Variants in KDM6A observed in about 807,000 individuals in gnomAD.
KDM6A encodes lysine demethylase 6A.
KDM6A carries 11 observed loss-of-function variants against 117.6 expected under a neutral mutation model. The ratio of observed to expected loss-of-function variants is 0.09; its 90% CI spans 0.06 to 0.15. The LOEUF is 0.15. Among genes scored for constraint, KDM6A ranks in the 10% least tolerant of loss-of-function variants. The pLI, the probability that KDM6A is intolerant of heterozygous loss-of-function variation, is 1.00. For synonymous variants in KDM6A, 384 were observed against 396.1 expected (o/e 0.97, Z 0.36); for missense variants, 799 against 1,077.3 (o/e 0.74, Z 3.62).
chrX:44,948,062 A>G (rs1444389414), intron 2 of KDM6A, among the ~76,000 whole-genome samples: 2 of 112,116 alleles, frequency 1.8e-5, no homozygotes, highest in Non-Finnish European at 3.8e-5. Context: ...GTCGCCTGCC[A>G]TTGTGTTTAA....
rs140986946 is a variant in KDM6A, at chrX:44,933,044, C to T, written c.226-28240C>T. Among the ~76,000 whole-genome samples the T allele has an allele frequency of 1.2e-3, 128 of 107,062 alleles. 1 individual carries two copies. The highest frequency in any genetic ancestry group is 4.0e-3 in the African/African-American group (118 of 29,375). The allele number at this position is 107,062 out of a possible 115,157, so 93.0% of individuals were successfully genotyped here. Reference sequence around the variant, plus strand: ...CTGGGATTACAGACATGCACCACCACGTCCGGCTAATTTTTTTATTTTTAG... The same window carrying T: ...CTGGGATTACAGACATGCACCACCATGTCCGGCTAATTTTTTTATTTTTAG... On this transcript the variant is annotated intron_variant, in intron 2 of 29. Coordinates refer to ENST00000611820, the MANE Select transcript of KDM6A (RefSeq NM_001291415.2).
chrX:45,050,503 G>GT (rs1443269763), intron 8 of KDM6A, among the ~76,000 whole-genome samples: 1 of 111,378 alleles, frequency 9.0e-6, no homozygotes, highest in Non-Finnish European at 1.9e-5. Context: ...TATTGCATCA[G>GT]TTTTTTATTG....
At chrX:45,099,575 T>G (rs185034463) in intron 27 of KDM6A, among the ~76,000 whole-genome samples, 1 of 111,922 alleles carries the variant, frequency 8.9e-6, no homozygotes, top group East Asian at 2.8e-4. Context: ...ATGTCAGAGA[T>G]ATCTTCCTTA....
At chrX:45,008,352 C>T (rs2041601975) in intron 4 of KDM6A, among the ~76,000 whole-genome samples, 1 of 110,260 alleles carries the variant, frequency 9.1e-6, no homozygotes, top group African/African-American at 3.3e-5. Context: ...CCAGCCTGGG[C>T]GACAGAGCGA....
At chrX:45,080,894 T>G (rs905692019) in intron 21 of KDM6A, among the ~76,000 whole-genome samples, 1 of 112,089 alleles carries the variant, frequency 8.9e-6, no homozygotes, top group African/African-American at 3.2e-5. Context: ...GCAGTCTATT[T>G]AAATGGGGAG....
chrX:45,065,713 A>G, intron 17 of KDM6A, among the ~76,000 whole-genome samples: 1 of 112,235 alleles, frequency 8.9e-6, no homozygotes, highest in Middle Eastern at 4.6e-3. Context: ...TGGTATCACC[A>G]ATCAGTGAGA....
intron 2 of KDM6A, 121 bp from the exon 3 acceptor site, chrX:44,961,163 G>A (rs1275786492): frequency 4.1e-6 from 2 of 483,072 alleles, no homozygotes; most frequent in Non-Finnish European, 7.0e-6. Context: ...TAAGATAGAA[G>A]TGAAATTTTC....
chrX:45,083,414 G>A, intron 23 of KDM6A, 46 bp from the exon 24 acceptor site: 1 of 1,159,532 alleles, frequency 8.6e-7, no homozygotes, highest in Non-Finnish European at 1.2e-6. Flanking sequence ...AACTTCCACA[G>A]GTATTTGTAG....
At chrX:45,036,526 A>G (rs1275099479) in intron 7 of KDM6A, among the ~76,000 whole-genome samples, 1 of 112,179 alleles carries the variant, frequency 8.9e-6, no homozygotes, top group Non-Finnish European at 1.9e-5. Flanking sequence ...TAGAATAATA[A>G]CAAATGCAGC....
At chrX:44,956,115 A>AAT (rs1462075662) in intron 2 of KDM6A, among the ~76,000 whole-genome samples, 1 of 104,782 alleles carries the variant, frequency 9.5e-6, no homozygotes, top group African/African-American at 3.9e-5. Flanking sequence ...CTGCTTTTTA[A>AAT]ATATTTAAGT....
At chrX:45,018,322 A>ATATAT (rs2042045886) in intron 5 of KDM6A, among the ~76,000 whole-genome samples, 1 of 111,492 alleles carries the variant, frequency 9.0e-6, no homozygotes, top group South Asian at 3.8e-4. Flanking sequence ...CTTTGATTAT[A>ATATAT]TATATATAGG....
intron 4 of KDM6A, among the ~76,000 whole-genome samples, chrX:45,009,527 G>C (rs1356873661): frequency 9.0e-6 from 1 of 111,448 alleles, no homozygotes; most frequent in Non-Finnish European, 1.9e-5. Flanking sequence ...CTGTGACTAA[G>C]AATGCCTAAC....
At chrX:45,065,392 T>C (rs989211256) in intron 17 of KDM6A, among the ~76,000 whole-genome samples, 4 of 111,993 alleles carry the variant, frequency 3.6e-5, no homozygotes, top group South Asian at 3.7e-4. Flanking sequence ...TTATTCTGAG[T>C]ATCCAGGAAA....
chrX:44,947,623 A>G (rs1299411795), intron 2 of KDM6A, among the ~76,000 whole-genome samples: 2 of 110,492 alleles, frequency 1.8e-5, no homozygotes, highest in African/African-American at 6.6e-5. Context: ...TGATCTGCCC[A>G]CCTTGGCCTC....
intron 25 of KDM6A, 80 bp from the exon 26 acceptor site, chrX:45,089,663 A>C: frequency 1.4e-6 from 1 of 704,152 alleles, no homozygotes; most frequent in Non-Finnish European, 2.2e-6. Context: ...TATTTAAAAA[A>C]TTTGTGACAT....
intron 2 of KDM6A, among the ~76,000 whole-genome samples, chrX:44,950,357 T>A (rs1466874161): frequency 8.9e-6 from 1 of 111,987 alleles, no homozygotes. Context: ...AGGATCATTC[T>A]GAAGTGAAAT....
chrX:45,098,418 A>T (rs1206062387), intron 27 of KDM6A, among the ~76,000 whole-genome samples: 1 of 112,655 alleles, frequency 8.9e-6, no homozygotes, highest in Non-Finnish European at 1.9e-5. Flanking sequence ...TTGGTAATTG[A>T]TTGGTGGTAG....
chrX:45,071,990 G>C (rs1412939726), intron 18 of KDM6A, among the ~76,000 whole-genome samples: 1 of 111,131 alleles, frequency 9.0e-6, no homozygotes, highest in East Asian at 2.8e-4. Context: ...GGTCAGGCTG[G>C]TCTTGAACTC....
At chrX:44,880,061 T>G (rs2032094758) in intron 2 of KDM6A, among the ~76,000 whole-genome samples, 1 of 107,447 alleles carries the variant, frequency 9.3e-6, no homozygotes, top group African/African-American at 3.4e-5. Context: ...TAGTCCCAGC[T>G]ACTTGGGAGG....
Sources: allele counts gnomAD v4.1 joint callset (sites outside exome capture counted in the v4.1 genomes callset), GRCh38; gene constraint gnomAD v4.1.1; transcripts MANE v1.5; gene names NCBI Gene and HGNC (gene_info 2026-07-23, HGNC 2026-07-21).